MYO1B: variants seen among roughly 807,000 people sequenced by gnomAD.
MYO1B encodes unconventional myosin-Ib.
Under a neutral mutation model 159.7 loss-of-function variants are expected in MYO1B, and 72 were observed. The observed-to-expected ratio is 0.45, with a 90% confidence interval of 0.37 to 0.55. The LOEUF is 0.55. Ranked by LOEUF, MYO1B falls within the 20% of genes least tolerant of loss-of-function variation. MYO1B has a pLI of 0.00. For synonymous variants in MYO1B, 468 were observed against 473.8 expected (o/e 0.99, Z 0.16); for missense variants, 1,062 against 1,364.8 (o/e 0.78, Z 3.50).
At chr2:191,325,713 A>G (rs1691013242) in intron 3 of MYO1B, among the ~76,000 whole-genome samples, 1 of 152,204 alleles carries the variant, frequency 6.6e-6, no homozygotes, top group South Asian at 2.1e-4. Context: ...AAGCCCTGCC[A>G]TTGTGTCTGA....
intron 3 of MYO1B, among the ~76,000 whole-genome samples, chr2:191,302,148 CA>C (rs1180585397): frequency 6.6e-6 from 1 of 152,226 alleles, no homozygotes; most frequent in Non-Finnish European, 1.5e-5. Context: ...AAGACTTGGT[CA>C]GCCCCAGCAT....
At chr2:191,396,874 A>G (rs1696110270) in intron 21 of MYO1B, among the ~76,000 whole-genome samples, 1 of 152,124 alleles carries the variant, frequency 6.6e-6, no homozygotes, top group Non-Finnish European at 1.5e-5. Context: ...CTGTCCAGTA[A>G]CCATCTTGCA....
At chr2:191,331,139 C>G (rs532427874) in intron 4 of MYO1B, among the ~76,000 whole-genome samples, 1 of 152,176 alleles carries the variant, frequency 6.6e-6, no homozygotes, top group African/African-American at 2.4e-5. Context: ...ATGTGTCCAG[C>G]CCCCTTTCTT....
intron 2 of MYO1B, among the ~76,000 whole-genome samples, chr2:191,288,094 A>G (rs1461266686): frequency 6.6e-6 from 1 of 151,798 alleles, no homozygotes; most frequent in African/African-American, 2.4e-5. Context: ...CATTTTATTT[A>G]TCTATTCATC....
chr2:191,303,832 A>G (rs1689480632), intron 3 of MYO1B, among the ~76,000 whole-genome samples: 1 of 152,248 alleles, frequency 6.6e-6, no homozygotes, highest in South Asian at 2.1e-4. Flanking sequence ...CCTCAGATCT[A>G]CGCAAGTAGC....
chr2:191,391,309 A>C (rs76293540), intron 18 of MYO1B, among the ~76,000 whole-genome samples: 1 of 152,182 alleles, frequency 6.6e-6, no homozygotes, highest in East Asian at 1.9e-4. Context: ...TTGCCTACAC[A>C]TTATTCTCAC....
At chr2:191,279,408 T>A (rs1687923539) in intron 2 of MYO1B, among the ~76,000 whole-genome samples, 1 of 151,702 alleles carries the variant, frequency 6.6e-6, no homozygotes, top group South Asian at 2.1e-4. Context: ...ACAGGTATGT[T>A]ACCTTCAGGT....
intron 19 of MYO1B, among the ~76,000 whole-genome samples, chr2:191,392,434 A>C (rs1023941127): frequency 6.6e-6 from 1 of 152,182 alleles, no homozygotes; most frequent in Admixed American, 6.5e-5. Flanking sequence ...ATTGTACAAC[A>C]CTTAAGAAAT....
chr2:191,277,090 G>A (rs747367147), intron 2 of MYO1B, 60 bp downstream of exon 2: 12 of 1,565,486 alleles, frequency 7.7e-6, no homozygotes, highest in Non-Finnish European at 1.0e-5. Context: ...CCAGAGAGCT[G>A]TCTTTTCTTC....
intron 23 of MYO1B, chr2:191,401,668 C>A (rs188756012): frequency 1.5e-3 from 226 of 152,316 alleles, no homozygotes; most frequent in African/African-American, 5.3e-3. Flanking sequence ...GTAAGCCTAT[C>A]TTATGAGAAA....
chr2:191,346,293 G>A lies in MYO1B; in HGVS notation c.498+11G>A, dbSNP rs761567635. On this transcript the variant is annotated intron_variant, in intron 6 of 30. Transcript: ENST00000392318. ...AACTCCTCTAGATTTGTAAGTATTT[G>A]TATAAGCATAAGTGTTAACACTAAT... 14 of 1,557,196 alleles carry A rather than the reference G, an allele frequency of 9.0e-6. No homozygotes were observed. The highest frequency in any genetic ancestry group is 1.2e-5 in the Non-Finnish European group (14 of 1,149,596).
intron 3 of MYO1B, among the ~76,000 whole-genome samples, chr2:191,303,888 G>T (rs1335248483): frequency 6.6e-6 from 1 of 152,158 alleles, no homozygotes; most frequent in African/African-American, 2.4e-5. Context: ...CAGTTTAGAT[G>T]CCTTAAATAA....
chr2:191,420,722 AAT>A (rs1697882296), intron 30 of MYO1B, among the ~76,000 whole-genome samples: 1 of 152,240 alleles, frequency 6.6e-6, no homozygotes, highest in Non-Finnish European at 1.5e-5. Context: ...AAACATTTTA[AAT>A]ATATGTGTGT....
chr2:191,305,857 G>A (rs1256120551), intron 3 of MYO1B, among the ~76,000 whole-genome samples: 1 of 152,130 alleles, frequency 6.6e-6, no homozygotes, highest in Admixed American at 6.5e-5. Context: ...AGGACCCTTA[G>A]GTGATGAGTT....
intron 1 of MYO1B, among the ~76,000 whole-genome samples, chr2:191,251,188 C>A (rs767646940): frequency 1.2e-4 from 18 of 152,204 alleles, no homozygotes; most frequent in Non-Finnish European, 2.1e-4. Context: ...CTGGCCATGC[C>A]TTTATCTTCA....
intron 4 of MYO1B, among the ~76,000 whole-genome samples, chr2:191,332,198 G>A (rs1048360394): frequency 1.3e-5 from 2 of 152,232 alleles, no homozygotes; most frequent in African/African-American, 4.8e-5. Context: ...CCTGACCTCA[G>A]GTGATCCACC....
chr2:191,295,209 A>G (rs866862306), intron 2 of MYO1B, among the ~76,000 whole-genome samples: 14 of 152,230 alleles, frequency 9.2e-5, no homozygotes, highest in South Asian at 8.3e-4. Context: ...TGAAGGGGAA[A>G]ATGGAGCTGC....
chr2:191,414,705 C>T (rs778709029), intron 29 of MYO1B, 36 bp downstream of exon 29: 2 of 1,572,868 alleles, frequency 1.3e-6, no homozygotes, highest in South Asian at 2.5e-5. Flanking sequence ...TGCTTAATCT[C>T]TCAGCCATTG....
chr2:191,267,501 G>A (rs1687212572), intron 1 of MYO1B, among the ~76,000 whole-genome samples: 1 of 152,132 alleles, frequency 6.6e-6, no homozygotes. Flanking sequence ...TTAAGGATTG[G>A]AAAATGAGAG....
Sources: gnomAD v4.1 joint callset for allele counts (sites outside exome capture counted in the v4.1 genomes callset) on GRCh38, gnomAD v4.1.1 for gene constraint, MANE v1.5 for transcripts, NCBI Gene and HGNC (gene_info 2026-07-23, HGNC 2026-07-21) for gene names.